The following VCF1 variants were observed in gnomAD, a reference collection of about 807,000 sequenced individuals.
VCF1 encodes VCP nuclear cofactor family member 1.
the VCF1 span, among the ~76,000 whole-genome samples, chr17:73,216,494 A>C: frequency 2.6e-3 from 393 of 152,238 alleles, 18 homozygotes; most frequent in East Asian, 0.068. Flanking sequence ...AGGGAGAGGG[A>C]GAAGGCACAC....
At chr17:73,224,190 G>A in the VCF1 span, among the ~76,000 whole-genome samples, 1 of 143,892 alleles carries the variant, frequency 6.9e-6, no homozygotes, top group Non-Finnish European at 1.5e-5. Context: ...TTTTGGGGAG[G>A]CTGAGGTGGG....
At chr17:73,227,332 C>A in the VCF1 span, 1 of 1,251,090 alleles carries the variant, frequency 8.0e-7, no homozygotes, top group Non-Finnish European at 1.1e-6. Context: ...ACTTGAATTG[C>A]AAACCATAAC....
the VCF1 span, among the ~76,000 whole-genome samples, chr17:73,229,851 C>G: frequency 4.2e-5 from 5 of 118,372 alleles, no homozygotes; most frequent in East Asian, 2.5e-4. Context: ...CTGGCCGACA[C>G]AGTGAGACTC....
At chr17:73,224,960 G>C in the VCF1 span, among the ~76,000 whole-genome samples, 1,574 of 47,018 alleles carry the variant, frequency 0.033, 255 homozygotes, top group East Asian at 0.094. Flanking sequence ...CACAGGACAG[G>C]ACAGCACAGC....
the VCF1 span, among the ~76,000 whole-genome samples, chr17:73,225,030 G>GACAGC: frequency 1.2e-3 from 153 of 125,088 alleles, no homozygotes; most frequent in South Asian, 1.8e-3. Flanking sequence ...GACAGGACAG[G>GACAGC]ACAGCACAGG....
chr17:73,232,245 G>T, the VCF1 span: 1 of 1,611,766 alleles, frequency 6.2e-7, no homozygotes, highest in Non-Finnish European at 8.5e-7. Flanking sequence ...AGCCGGTGGC[G>T]AGTACCCCTC....
At chr17:73,217,604 C>A in the VCF1 span, among the ~76,000 whole-genome samples, 4 of 151,492 alleles carry the variant, frequency 2.6e-5, no homozygotes, top group Non-Finnish European at 5.9e-5. Flanking sequence ...GAGCTGAGAT[C>A]GTGCCATTGC....
chr17:73,221,368 T>TTAC, the VCF1 span, among the ~76,000 whole-genome samples: 4 of 151,548 alleles, frequency 2.6e-5, no homozygotes, highest in East Asian at 7.7e-4. Context: ...GTAAAGAACA[T>TTAC]TACTCCTTCT....
the VCF1 span, among the ~76,000 whole-genome samples, chr17:73,219,888 T>C: frequency 4.0e-5 from 6 of 150,738 alleles, no homozygotes; most frequent in East Asian, 1.2e-3. Context: ...GGTGGGAGGA[T>C]CACCTGAGCC....
chr17:73,225,375 T>G, the VCF1 span, among the ~76,000 whole-genome samples: 2 of 151,576 alleles, frequency 1.3e-5, no homozygotes, highest in African/African-American at 4.8e-5. Context: ...TAAATAAAAT[T>G]TAAAAATCTA....
At chr17:73,227,548 G>T in the VCF1 span, 1 of 824,734 alleles carries the variant, frequency 1.2e-6, no homozygotes, top group Non-Finnish European at 1.5e-6. Context: ...AACAAGAACA[G>T]GAAGAGGTTA....
the VCF1 span, among the ~76,000 whole-genome samples, chr17:73,226,790 A>G: frequency 1.8e-4 from 28 of 152,236 alleles, no homozygotes; most frequent in African/African-American, 6.0e-4. Context: ...TTTCTCTTAA[A>G]AGGCATTTGA....
the VCF1 span, among the ~76,000 whole-genome samples, chr17:73,218,158 G>A: frequency 2.7e-5 from 4 of 149,472 alleles, no homozygotes; most frequent in Non-Finnish European, 4.4e-5. Flanking sequence ...GGCTGCCACA[G>A]AATCTGGATT....
the VCF1 span, chr17:73,212,870 GA>G: frequency 3.8e-6 from 2 of 520,484 alleles, no homozygotes; most frequent in Non-Finnish European, 6.7e-6. Context: ...TCTTTAAACA[GA>G]TTAGGGAAGA....
At chr17:73,212,476 C>T in the VCF1 span, among the ~76,000 whole-genome samples, 3 of 146,254 alleles carry the variant, frequency 2.1e-5, no homozygotes, top group Non-Finnish European at 4.5e-5. Context: ...GATAATGGGC[C>T]GGGCTGATGA....
the VCF1 span, chr17:73,229,558 G>A: frequency 1.3e-5 from 13 of 985,066 alleles, no homozygotes; most frequent in African/African-American, 7.0e-5. Context: ...CTAGAGACTC[G>A]GCATAGAAAT....
the VCF1 span, among the ~76,000 whole-genome samples, chr17:73,226,364 C>G: frequency 6.6e-6 from 1 of 152,330 alleles, no homozygotes; most frequent in East Asian, 1.9e-4. Context: ...CAAAGACAGA[C>G]TGGATATAGG....
the VCF1 span, among the ~76,000 whole-genome samples, chr17:73,215,518 C>T: frequency 6.6e-6 from 1 of 152,188 alleles, no homozygotes; most frequent in African/African-American, 2.4e-5. Flanking sequence ...AAGATATCCT[C>T]CTGCCTCAGC....
chr17:73,227,282 GGA>G, the VCF1 span: 1 of 1,449,742 alleles, frequency 6.9e-7, no homozygotes, highest in Non-Finnish European at 9.2e-7. Context: ...TAAATCACAA[GGA>G]GAAAAAAAAA....
Sources: gnomAD v4.1 joint callset for allele counts (sites outside exome capture counted in the v4.1 genomes callset) on GRCh38, gnomAD v4.1.1 for gene constraint, MANE v1.5 for transcripts, NCBI Gene and HGNC (gene_info 2026-07-23, HGNC 2026-07-21) for gene names.